Variants in PPP2CB observed in about 807,000 individuals in gnomAD.
The protein encoded by PPP2CB is serine/threonine-protein phosphatase 2A catalytic subunit beta isoform.
PPP2CB carries 18 observed loss-of-function variants against 39.1 expected under a neutral mutation model. The ratio of observed to expected loss-of-function variants is 0.46; its 90% CI spans 0.32 to 0.68. PPP2CB has a LOEUF of 0.68. PPP2CB is among the 30% of genes least tolerant of loss of function. PPP2CB has a pLI of 0.04. For synonymous variants in PPP2CB, 129 were observed against 133.8 expected, an observed-to-expected ratio of 0.96 and a Z score of 0.25; for missense variants, 226 against 396.9, an observed-to-expected ratio of 0.57 and a Z score of 3.66.
Position 30,797,402 on chromosome 8 carries a change from C to T in PPP2CB, c.486+179G>A, listed in dbSNP as rs116651954. Reference sequence around the variant, plus strand: ...AGAACAACAGGAAAATTTGCTGGTCCAAATGTATGTGAAACTTATCCACTT... The same window carrying T: ...AGAACAACAGGAAAATTTGCTGGTCTAAATGTATGTGAAACTTATCCACTT... On this transcript the variant is annotated intron_variant, in intron 3 of 6. Transcript: ENST00000221138. Among the ~76,000 whole-genome samples the T allele has an allele frequency of 2.8e-3, 429 of 152,136 alleles. 6 individuals are homozygous for T. The highest frequency in any genetic ancestry group is 9.6e-3 in the African/African-American group (400 of 41,498).
At chr8:30,807,611 AC>A (rs1344599208) in intron 1 of PPP2CB, among the ~76,000 whole-genome samples, 1 of 152,198 alleles carries the variant, frequency 6.6e-6, no homozygotes, top group Non-Finnish European at 1.5e-5. Context: ...TTCCCTCCCC[AC>A]CTAAAGAATC....
intron 5 of PPP2CB, chr8:30,793,680 A>T (rs1806474966): frequency 2.5e-6 from 1 of 394,994 alleles, no homozygotes; most frequent in Non-Finnish European, 4.5e-6. Context: ...AATGAAGCAT[A>T]CAGGGAATTA....
At chr8:30,796,550 G>A (rs906454743) in intron 3 of PPP2CB, among the ~76,000 whole-genome samples, 2 of 151,884 alleles carry the variant, frequency 1.3e-5, no homozygotes, top group South Asian at 2.1e-4. Context: ...TGCCATCCCC[G>A]GCTAATTTTT....
chr8:30,794,819 C>T (rs1050981122), intron 3 of PPP2CB, among the ~76,000 whole-genome samples: 1 of 152,142 alleles, frequency 6.6e-6, no homozygotes, highest in Non-Finnish European at 1.5e-5. Context: ...TTTTGTTTCT[C>T]TTACAGCAAA....
In PPP2CB at chr8:30,797,590, T is replaced by C; in HGVS notation, c.477A>G (p.Val159=). 1 of 1,612,796 alleles carries C rather than the reference T, an allele frequency of 6.2e-7. No homozygotes were observed. Among genetic ancestry groups the C allele is most frequent in the Non-Finnish European group, 8.5e-7 (1 of 1,179,014 alleles). The change falls in exon 3 of 7, where the codon GTA becomes GTG. Residue 159 remains valine (V), a synonymous_variant. Transcript: ENST00000221138. ...GCACACATATACATACCTGTCCATC[T>C]ACTAAAGCTGTAAGTGGAAGATAAT... ...LFDYLPLTAL[V]DGQIFCLHGG... is the part of the protein sequence containing the mutation.
intron 3 of PPP2CB, chr8:30,794,518 C>T: frequency 2.4e-6 from 1 of 411,482 alleles, no homozygotes; most frequent in Non-Finnish European, 4.2e-6. Context: ...TTTCTCTGGT[C>T]AATGGTATCC....
intron 5 of PPP2CB, among the ~76,000 whole-genome samples, chr8:30,792,869 A>C (rs1193363601): frequency 6.6e-6 from 1 of 152,116 alleles, no homozygotes; most frequent in Non-Finnish European, 1.5e-5. Flanking sequence ...TCACTGATAT[A>C]ATTAAATTTA....
At chr8:30,788,301 T>C (rs1806376602) in intron 6 of PPP2CB, among the ~76,000 whole-genome samples, 1 of 152,168 alleles carries the variant, frequency 6.6e-6, no homozygotes, top group Non-Finnish European at 1.5e-5. Context: ...CTTTGCTCTG[T>C]TGCCTAGGCT....
chr8:30,809,738 C>T (rs933793361), intron 1 of PPP2CB, among the ~76,000 whole-genome samples: 2 of 152,020 alleles, frequency 1.3e-5, no homozygotes, highest in African/African-American at 4.8e-5. Flanking sequence ...CCCGAGAGTT[C>T]GAGACCAGCC....
chr8:30,788,292 T>C (rs1458511473), intron 6 of PPP2CB, among the ~76,000 whole-genome samples: 7 of 152,116 alleles, frequency 4.6e-5, no homozygotes, highest in South Asian at 2.1e-4. Context: ...AGACAGGGTC[T>C]TTGCTCTGTT....
rs1455154298 is a variant in PPP2CB at position 30,804,069 on chromosome 8, C to T, written c.103-4314G>A. 7.2e-5 allele frequency among the ~76,000 whole-genome samples: 11 copies of T among 152,310 alleles called. No homozygotes were observed. The East Asian group carries it at 2.1e-3, about 29-fold the overall frequency. On this transcript the variant is annotated intron_variant, in intron 1 of 6. Coordinates refer to ENST00000221138, the MANE Select transcript of PPP2CB (RefSeq NM_001009552.2). ...AACCCCTGACCTCGTGATCCGCCCG[C>T]CTCGGCCTCCTAAAGTGCTGAGATT...
chr8:30,801,268 C>T (rs1287877259), intron 1 of PPP2CB, among the ~76,000 whole-genome samples: 1 of 152,056 alleles, frequency 6.6e-6, no homozygotes, highest in Non-Finnish European at 1.5e-5. Context: ...CACGGTGGCT[C>T]ATGCCTGTAA....
intron 3 of PPP2CB, among the ~76,000 whole-genome samples, chr8:30,796,413 CTT>C (rs1806527713): frequency 6.6e-6 from 1 of 152,110 alleles, no homozygotes; most frequent in Admixed American, 6.5e-5. Flanking sequence ...TGGAGTCTCA[CTT>C]TGTCACCCAA....
At chr8:30,810,738 T>C (rs1176215647) in intron 1 of PPP2CB, among the ~76,000 whole-genome samples, 1 of 152,248 alleles carries the variant, frequency 6.6e-6, no homozygotes, top group Admixed American at 6.5e-5. Flanking sequence ...TTGGCACTTC[T>C]ATTTACAAAA....
intron 1 of PPP2CB, among the ~76,000 whole-genome samples, chr8:30,805,573 A>C (rs532403100): frequency 6.6e-6 from 1 of 152,214 alleles, no homozygotes; most frequent in Non-Finnish European, 1.5e-5. Context: ...AAAAAACAAA[A>C]AAAAAGAGAT....
chr8:30,812,417 T>C lies in PPP2CB; in HGVS notation c.5A>G (p.Asp2Gly), dbSNP rs1252032453. The change falls in exon 1 of 7, where the codon GAC (aspartate) becomes GGC (glycine). Residue 2 changes from aspartate (D) to glycine (G), a missense_variant. Around this residue, in one of 4 missense-constraint regions of PPP2CB, gnomAD observed 59 missense variants for 42.6 expected, o/e 1.38. Coordinates refer to ENST00000221138, the MANE Select transcript of PPP2CB (RefSeq NM_001009552.2). Reference sequence around the variant, plus strand: ...CAGCTCCTTGGTGAACGCCTTGTCGTCCATGGCGGCCCGATCCCGATGCGG... The same window carrying C: ...CAGCTCCTTGGTGAACGCCTTGTCGCCCATGGCGGCCCGATCCCGATGCGG... M[D>G]DKAFTKELDQ... 67 of 1,531,656 alleles carry C rather than the reference T, an allele frequency of 4.4e-5. No homozygotes were observed. The highest frequency in any genetic ancestry group is 5.8e-5 in the Non-Finnish European group (66 of 1,135,726). 94.9% of individuals were successfully genotyped at this position (1,531,656 alleles called of 1,614,324 possible). A position where few individuals can be genotyped will look rare whatever the true frequency, so the allele number is the denominator to read the frequency against.
chr8:30,795,119 ATTT>A (rs893547625), intron 3 of PPP2CB, among the ~76,000 whole-genome samples: 5 of 127,490 alleles, frequency 3.9e-5, no homozygotes, highest in African/African-American at 5.8e-5. Flanking sequence ...TCTGATTTTG[ATTT>A]TTTTTTTTTT....
chr8:30,797,505 C>T, intron 3 of PPP2CB, 76 bp downstream of exon 3: 1 of 1,396,924 alleles, frequency 7.2e-7, no homozygotes, highest in East Asian at 2.4e-5. Context: ...TCATATGAAT[C>T]TAGACCCCAG....
chr8:30,810,215 G>T (rs1806802303), intron 1 of PPP2CB: 1 of 152,274 alleles, frequency 6.6e-6, no homozygotes, highest in African/African-American at 2.4e-5. Context: ...CCAGCACTTT[G>T]GAAGGCTGAG....
Sources: allele counts gnomAD v4.1 joint callset (sites outside exome capture counted in the v4.1 genomes callset), GRCh38; gene constraint gnomAD v4.1.1; regional missense constraint gnomAD v4.1.1; transcripts MANE v1.5; gene names NCBI Gene and HGNC (gene_info 2026-07-23, HGNC 2026-07-21).